The following PCDH15 variants were observed in gnomAD, a reference collection of about 807,000 sequenced individuals.
The protein encoded by PCDH15 is protocadherin related 15.
Under a neutral mutation model 178.5 loss-of-function variants are expected in PCDH15, and 129 were observed. That is an observed-to-expected ratio of 0.72 (90% CI 0.63 to 0.84). The LOEUF is 0.84. Ranked by LOEUF, PCDH15 falls within the 40% of genes least tolerant of loss-of-function variation. The pLI is 0.00. For synonymous variants in PCDH15, 800 were observed against 732.0 expected (o/e 1.09, Z -1.50); for missense variants, 2,230 against 2,099.9 (o/e 1.06, Z -1.21).
At chr10:55,487,483 TC>T in intron 2 of PCDH15, among the ~76,000 whole-genome samples, 1 of 151,828 alleles carries the variant, frequency 6.6e-6, no homozygotes, top group African/African-American at 2.4e-5. Context: ...TTATTTCCTT[TC>T]CTTCCTTCAT....
At chr10:54,090,136 G>T in intron 15 of PCDH15, 73 bp from the exon 16 acceptor site, 2 of 1,156,744 alleles carry the variant, frequency 1.7e-6, no homozygotes, top group South Asian at 1.2e-5. Context: ...TAATATAAAA[G>T]CTTGAAACTA....
chr10:54,363,275 T>G (rs1378554568), intron 5 of PCDH15, among the ~76,000 whole-genome samples: 2 of 152,180 alleles, frequency 1.3e-5, no homozygotes, highest in Non-Finnish European at 2.9e-5. Flanking sequence ...CAGCTTCAGA[T>G]AGTCTGTTAC....
At chr10:54,554,487 T>C (rs972407519) in intron 2 of PCDH15, among the ~76,000 whole-genome samples, 4 of 152,122 alleles carry the variant, frequency 2.6e-5, no homozygotes, top group African/African-American at 9.7e-5. Context: ...TAGGATAATC[T>C]AAGGTGAATG....
chr10:54,795,024 C>T (rs1951818593), intron 1 of PCDH15, among the ~76,000 whole-genome samples: 2 of 151,678 alleles, frequency 1.3e-5, no homozygotes, highest in Non-Finnish European at 1.5e-5. Flanking sequence ...CTAGGGATAG[C>T]CTTAGTACTT....
intron 1 of PCDH15, among the ~76,000 whole-genome samples, chr10:55,226,597 G>C (rs1375843294): frequency 1.3e-5 from 2 of 151,878 alleles, no homozygotes; most frequent in Admixed American, 6.6e-5. Flanking sequence ...GGCCAGGCTG[G>C]TCTCGAACTC....
In PCDH15 at chr10:53,959,958, A is replaced by G; in HGVS notation, c.3010-114T>C. On this transcript the variant is annotated intron_variant, in intron 22 of 37. Coordinates refer to ENST00000644397, the MANE Select transcript of PCDH15 (RefSeq NM_001384140.1). ...ATTGCCTGGTTCCAGAAGGGGAAGCAATGATCATTTCCTCACTGCCTACCA... is the reference window on the plus strand; with the variant it reads ...ATTGCCTGGTTCCAGAAGGGGAAGCGATGATCATTTCCTCACTGCCTACCA... 3 of 820,430 alleles carry G rather than the reference A, an allele frequency of 3.7e-6. 1 individual carries two copies. The highest frequency in any genetic ancestry group is 1.7e-5 in the African/African-American group (1 of 59,162). The allele number at this position is 820,430 out of a possible 1,614,324, so 50.8% of individuals were successfully genotyped here.
At chr10:55,241,148 G>A (rs1261156730) in intron 1 of PCDH15, among the ~76,000 whole-genome samples, 2 of 152,052 alleles carry the variant, frequency 1.3e-5, no homozygotes, top group Admixed American at 6.6e-5. Context: ...CCCGGGAGGC[G>A]GAGGTTGCAG....
chr10:55,216,730 A>G (rs1840713781), intron 1 of PCDH15, among the ~76,000 whole-genome samples: 1 of 151,918 alleles, frequency 6.6e-6, no homozygotes, highest in South Asian at 2.1e-4. Flanking sequence ...TTATGTGTCA[A>G]TCTTGCACTC....
intron 26 of PCDH15, among the ~76,000 whole-genome samples, chr10:53,877,224 C>G (rs2080313984): frequency 6.6e-6 from 1 of 152,010 alleles, no homozygotes; most frequent in Non-Finnish European, 1.5e-5. Context: ...CTTTTTCCGT[C>G]ATTATTGCTA....
intron 10 of PCDH15, among the ~76,000 whole-genome samples, chr10:54,196,975 T>C (rs2049736619): frequency 6.6e-6 from 1 of 152,224 alleles, no homozygotes; most frequent in Admixed American, 6.5e-5. Context: ...TGGTGTTTTG[T>C]TATTGCAGCT....
At chr10:54,391,220 C>T (rs1462758277) in intron 3 of PCDH15, among the ~76,000 whole-genome samples, 5 of 152,128 alleles carry the variant, frequency 3.3e-5, no homozygotes, top group Non-Finnish European at 7.3e-5. Flanking sequence ...ATACTCTATA[C>T]CTGCACTCAT....
intron 2 of PCDH15, chr10:54,600,408 G>A: frequency 1.8e-6 from 1 of 569,532 alleles, no homozygotes; most frequent in Non-Finnish European, 3.5e-6. Context: ...GGAGGGAAGA[G>A]GAGTAAGACA....
In PCDH15 at chr10:54,183,124, G is replaced by A. The variant is rs1395038334; in HGVS notation, c.1590+320C>T. Among the ~76,000 whole-genome samples, 10 of 152,188 alleles carry A rather than the reference G, an allele frequency of 6.6e-5. No individual in the cohort carries two copies. In the East Asian group the frequency reaches 1.9e-3, roughly 29 times the overall value. On this transcript the variant is annotated intron_variant, in intron 13 of 37. Transcript: ENST00000644397. ...AGCCTCCTGAGTAGCTGGGATTACA[G>A]GCATGCGCCACCATACCCGGCTAAT...
chr10:54,258,525 T>C (rs2132241139), intron 8 of PCDH15, among the ~76,000 whole-genome samples: 1 of 152,258 alleles, frequency 6.6e-6, no homozygotes, highest in East Asian at 1.9e-4. Flanking sequence ...CAGAATCACA[T>C]CATGACACAG....
intron 2 of PCDH15, among the ~76,000 whole-genome samples, chr10:54,574,481 T>G (rs1196610690): frequency 6.6e-6 from 1 of 152,090 alleles, no homozygotes; most frequent in African/African-American, 2.4e-5. Flanking sequence ...CTTTGTTCTT[T>G]TGGCTTAGGA....
intron 2 of PCDH15, among the ~76,000 whole-genome samples, chr10:55,402,786 G>A (rs916038427): frequency 2.0e-5 from 3 of 151,888 alleles, no homozygotes; most frequent in Non-Finnish European, 4.4e-5. Flanking sequence ...AAAAATATGG[G>A]GGTGCAGGTG....
At chr10:55,432,795 A>ATTTTATT (rs1491425964) in intron 2 of PCDH15, among the ~76,000 whole-genome samples, 1 of 131,356 alleles carries the variant, frequency 7.6e-6, no homozygotes, top group Non-Finnish European at 1.6e-5. Context: ...ATATATATAT[A>ATTTTATT]TTTTATTTTT....
chr10:54,516,453 G>C (rs1197913598), intron 3 of PCDH15, among the ~76,000 whole-genome samples: 1 of 152,074 alleles, frequency 6.6e-6, no homozygotes, highest in East Asian at 1.9e-4. Context: ...TGGAAGAAAG[G>C]GTATCAGTGA....
chr10:54,513,102 TACAAA>T (rs2081871798), intron 3 of PCDH15, among the ~76,000 whole-genome samples: 1 of 152,048 alleles, frequency 6.6e-6, no homozygotes, highest in African/African-American at 2.4e-5. Context: ...TTCTTAAATG[TACAAA>T]ACATTTTAAA....
Sources: allele counts gnomAD v4.1 joint callset (sites outside exome capture counted in the v4.1 genomes callset), GRCh38; gene constraint gnomAD v4.1.1; transcripts MANE v1.5; gene names NCBI Gene and HGNC (gene_info 2026-07-23, HGNC 2026-07-21).